ARHGEF10L: variants seen among roughly 807,000 people sequenced by gnomAD.
The protein encoded by ARHGEF10L is Rho guanine nucleotide exchange factor 10 like, also known as rho guanine nucleotide exchange factor 10-like protein.
In ARHGEF10L, 69 loss-of-function variants were observed where a neutral mutation model predicts 141.2. The ratio of observed to expected loss-of-function variants is 0.49; its 90% confidence interval spans 0.40 to 0.60. The LOEUF (loss-of-function observed/expected upper bound fraction) is 0.60, where lower values mean the gene tolerates loss of function less well. ARHGEF10L is among the 20% of genes least tolerant of loss of function. The probability of loss-of-function intolerance (pLI) is 0.00; values close to 1 mark genes in which losing one functional copy is unlikely to be tolerated. For missense variants in ARHGEF10L, 1,482 were observed against 1,734.3 expected (o/e 0.85, Z 2.58); for synonymous variants, 711 against 718.5 (o/e 0.99, Z 0.17).
rs79748975 is a variant in ARHGEF10L, at chr1:17,673,187, G to A, written c.3009+8592G>A. On this transcript the variant is annotated intron_variant, in intron 26 of 28. Transcript: ENST00000361221. This position sits in a 1 kb window ranked among gnomAD's most constrained non-coding sequence, Gnocchi z 4.1. Reference sequence around the variant, plus strand: ...ACATCGTGGAGAGGACATATGGGACGGGAGGTGAGGAAGGGGAGCTGGCAC... The same window carrying A: ...ACATCGTGGAGAGGACATATGGGACAGGAGGTGAGGAAGGGGAGCTGGCAC... Among the ~76,000 whole-genome samples the A allele has an allele frequency of 0.028, 4,248 of 152,246 alleles. 183 individuals are homozygous for A. Among genetic ancestry groups the A allele is most frequent in the African/African-American group, 0.09 (3,724 of 41,526 alleles).
chr1:17,599,683 C>T (rs2080456875), intron 4 of ARHGEF10L, among the ~76,000 whole-genome samples: 1 of 152,134 alleles, frequency 6.6e-6, no homozygotes, highest in African/African-American at 2.4e-5. Flanking sequence ...CTCTCTTGGC[C>T]TTTACTTCCT....
At position 17,627,508 on chromosome 1, in the gene ARHGEF10L, G is replaced by C. The variant is rs755691410; in HGVS notation, c.1584+5G>C. ...GACCGCAGCAGCCTCAACAAGGTGAGCTGGGCCTCCCACCTGCCTGCCCTC... is the reference window on the plus strand; with the variant it reads ...GACCGCAGCAGCCTCAACAAGGTGACCTGGGCCTCCCACCTGCCTGCCCTC... On this transcript the variant is annotated splice_donor_5th_base_variant and intron_variant, in intron 15 of 28. Transcript: ENST00000361221. The surrounding 1 kb of genome is among the most constrained non-coding windows in gnomAD (Gnocchi z 4.0). 6.2e-7 allele frequency: 1 copy of C among 1,611,112 alleles called. No homozygotes were observed. The highest frequency in any genetic ancestry group is 1.7e-5 in the Admixed American group (1 of 59,916).
At chr1:17,606,367 C>T (rs892939372) in intron 6 of ARHGEF10L, among the ~76,000 whole-genome samples, 4 of 151,664 alleles carry the variant, frequency 2.6e-5, no homozygotes, top group African/African-American at 4.9e-5. Context: ...GGTCTCGGCT[C>T]ACTGCAGCTT....
In ARHGEF10L at chr1:17,639,542, G is replaced by GTCTCCCTTCCTCCA. The variant is rs2061213398; in HGVS notation, c.2172-650_2172-637dup. Among the ~76,000 whole-genome samples, 2 of 152,208 alleles carry GTCTCCCTTCCTCCA rather than the reference G, an allele frequency of 1.3e-5. No individual in the cohort carries two copies. Among genetic ancestry groups the GTCTCCCTTCCTCCA allele is most frequent in the South Asian group, 4.2e-4 (2 of 4,814 alleles). On this transcript the variant is annotated intron_variant, in intron 20 of 28. Transcript: ENST00000361221. The surrounding 1 kb of genome is among the most constrained non-coding windows in gnomAD (Gnocchi z 4.3). Reference sequence around the variant, plus strand: ...CGCCTCCCTGTTGAGTGGCCTGTCCGTCTCCCTTCCTCCATCTCCCTTCTC... The same window carrying GTCTCCCTTCCTCCA: ...CGCCTCCCTGTTGAGTGGCCTGTCCGTCTCCCTTCCTCCATCTCCCTTCCTCCATCTCCCTTCTC...
rs935168939 is a variant in ARHGEF10L at position 17,573,028 on chromosome 1, C to A, written c.-43-7525C>A. ...TCCTACTGTTTCCCTTGGCAGTGCC[C>A]CTCCGTGAGCTCCAGCTCTTTCCTG... On this transcript the variant is annotated intron_variant, in intron 1 of 28. Transcript: ENST00000361221. The surrounding 1 kb of genome is among the most constrained non-coding windows in gnomAD (Gnocchi z 4.8). 6.6e-6 allele frequency among the ~76,000 whole-genome samples: 1 copy of A among 152,146 alleles called. No homozygotes were observed. The highest frequency in any genetic ancestry group is 1.9e-4 in the East Asian group (1 of 5,182).
rs2101509816 is a variant in ARHGEF10L, at chr1:17,623,097, C to T, written c.1122C>T (p.Ser374=). ...TGAAGGAGATCCTGCACTGCCACTC[C>T]ATGTTCCAGATCGCCCTGTCCTCCC... The part of the protein sequence containing the change: ...FRVKEILHCH[S]MFQIALSSRV... The change falls in exon 12 of 29, where the codon TCC becomes TCT. Residue 374 remains serine, a synonymous_variant. Coordinates refer to ENST00000361221, the MANE Select transcript of ARHGEF10L (RefSeq NM_018125.4). This position sits in a 1 kb window ranked among gnomAD's most constrained non-coding sequence, Gnocchi z 4.7. The T allele has an allele frequency of 2.5e-6, 4 of 1,614,196 alleles. No individual in the cohort carries two copies. The highest frequency in any genetic ancestry group is 2.7e-5 in the African/African-American group (2 of 75,068).
At chr1:17,556,769 C>T (rs1401106795) in intron 1 of ARHGEF10L, among the ~76,000 whole-genome samples, 1 of 152,196 alleles carries the variant, frequency 6.6e-6, no homozygotes, top group Non-Finnish European at 1.5e-5. Context: ...AGGAGCTTAG[C>T]ATCTGCATTT....
At chr1:17,526,079 A>G in the ARHGEF10L span, among the ~76,000 whole-genome samples, 1 of 150,294 alleles carries the variant, frequency 6.7e-6, no homozygotes. Flanking sequence ...CCCACTCCCC[A>G]TCTCCCACCC....
At chr1:17,681,543 C>A (rs541144590) in intron 26 of ARHGEF10L, among the ~76,000 whole-genome samples, 1 of 152,222 alleles carries the variant, frequency 6.6e-6, no homozygotes, top group Admixed American at 6.5e-5. Context: ...TCCAAGCCAG[C>A]GTCTCATAGA....
At chr1:17,635,977 T>A (rs550839014) in intron 18 of ARHGEF10L, among the ~76,000 whole-genome samples, 3 of 152,192 alleles carry the variant, frequency 2.0e-5, no homozygotes, top group Non-Finnish European at 4.4e-5. Context: ...CCACCTACTC[T>A]TGCCGTCTGG....
chr1:17,591,731 A>G (rs2079563198), intron 4 of ARHGEF10L, among the ~76,000 whole-genome samples: 1 of 149,288 alleles, frequency 6.7e-6, no homozygotes, highest in Non-Finnish European at 1.5e-5. Flanking sequence ...TATTTTTTGT[A>G]GAGATGGAGA....
intron 26 of ARHGEF10L, among the ~76,000 whole-genome samples, chr1:17,683,694 G>C (rs11203434): frequency 0.22 from 33,403 of 152,102 alleles, 4,265 homozygotes; most frequent in African/African-American, 0.35. Flanking sequence ...TTCCCCCGCC[G>C]GCCTCCCCGC....
chr1:17,601,057 A>G (rs2080615702), intron 4 of ARHGEF10L, among the ~76,000 whole-genome samples: 2 of 148,896 alleles, frequency 1.3e-5, no homozygotes, highest in South Asian at 4.2e-4. Flanking sequence ...CTCAAAAAAA[A>G]AAAAAAAAAA....
chr1:17,568,129 C>T (rs954863899), intron 1 of ARHGEF10L, among the ~76,000 whole-genome samples: 5 of 152,146 alleles, frequency 3.3e-5, no homozygotes, highest in Admixed American at 6.5e-5. Flanking sequence ...AGGGCAGTGA[C>T]GGGGAGCTCT....
chr1:17,689,920 C>G (rs1323319281), intron 27 of ARHGEF10L: 2 of 450,590 alleles, frequency 4.4e-6, no homozygotes, highest in Non-Finnish European at 4.5e-6. Flanking sequence ...CCTGCCTGTA[C>G]AACCCTGACT....
chr1:17,579,361 G>T (rs1255901385), intron 1 of ARHGEF10L, among the ~76,000 whole-genome samples: 1 of 152,130 alleles, frequency 6.6e-6, no homozygotes, highest in East Asian at 1.9e-4. Context: ...TATCGTTTGA[G>T]TCTTGAAAGG....
At chr1:17,565,983 T>C (rs2077740519) in intron 1 of ARHGEF10L, among the ~76,000 whole-genome samples, 1 of 152,068 alleles carries the variant, frequency 6.6e-6, no homozygotes, top group Admixed American at 6.6e-5. Context: ...CAAAAACAAG[T>C]ACTGTAGCAG....
intron 1 of ARHGEF10L, among the ~76,000 whole-genome samples, chr1:17,570,465 T>C (rs1166247074): frequency 1.3e-5 from 2 of 149,052 alleles, no homozygotes; most frequent in Non-Finnish European, 3.0e-5. Context: ...GAAACATGCT[T>C]GGGGCATTCA....
chr1:17,542,175 A>G (rs1037623388), intron 1 of ARHGEF10L, among the ~76,000 whole-genome samples: 1 of 151,640 alleles, frequency 6.6e-6, no homozygotes, highest in African/African-American at 2.4e-5. Context: ...AAGATTGAGC[A>G]TGGTGGCTCA....
Sources: allele counts gnomAD v4.1 joint callset (sites outside exome capture counted in the v4.1 genomes callset), GRCh38; gene constraint gnomAD v4.1.1; non-coding constraint Gnocchi (gnomAD v3.1); transcripts MANE v1.5; gene names NCBI Gene and HGNC (gene_info 2026-07-23, HGNC 2026-07-21).